GPHN: variants seen among roughly 807,000 people sequenced by gnomAD.
GPHN encodes gephyrin.
In GPHN, 17 loss-of-function variants were observed where a neutral mutation model predicts 95.5. That is an observed-to-expected ratio of 0.18 (90% confidence interval 0.12 to 0.27). GPHN has a LOEUF of 0.27. GPHN is among the 10% of genes least tolerant of loss of function. The probability of loss-of-function intolerance (pLI) is 1.00; values close to 1 mark genes in which losing one functional copy is unlikely to be tolerated. For missense variants in GPHN, 660 were observed against 978.1 expected (o/e 0.67, Z 4.34); for synonymous variants, 320 against 322.5 (o/e 0.99, Z 0.08).
rs371948902 is a variant in GPHN, at chr14:66,924,184, T to A, written c.730-10T>A. ...CACTATATTCATAGTTGTTATGTGT[T>A]GTGCATTAGAAGCATCCATTCTACA... is the stretch of plus-strand genomic sequence containing the variant. On this transcript the variant is annotated splice_polypyrimidine_tract_variant and intron_variant, in intron 7 of 22. Coordinates refer to ENST00000478722, the MANE Select transcript of GPHN (RefSeq NM_020806.5). The A allele has an allele frequency of 2.0e-6, 3 of 1,466,450 alleles. No homozygotes were observed. The African/African-American group carries it at 4.2e-5, about 20-fold the overall frequency. 90.8% of individuals were successfully genotyped at this position (1,466,450 alleles called of 1,614,324 possible).
the GPHN span, among the ~76,000 whole-genome samples, chr14:67,424,156 C>T: frequency 6.6e-6 from 1 of 152,168 alleles, no homozygotes; most frequent in Non-Finnish European, 1.5e-5. Context: ...AGGAGAATCA[C>T]TTGAACCCGG....
In GPHN at chr14:66,583,308, G is replaced by A. The variant is rs142673713; in HGVS notation, c.64+74717G>A. Among the ~76,000 whole-genome samples, 106 of 152,234 alleles carry A rather than the reference G, an allele frequency of 7.0e-4. 2 individuals are homozygous for A. In the East Asian group the frequency reaches 0.02, roughly 29 times the overall value. ...TAACCCTTTGTCAGATAAGCAGGTTGCAAAAATTTTCTCCCAATCTGTAGG... is the reference window on the plus strand; with the variant it reads ...TAACCCTTTGTCAGATAAGCAGGTTACAAAAATTTTCTCCCAATCTGTAGG... On this transcript the variant is annotated intron_variant, in intron 1 of 22. Transcript: ENST00000478722.
the GPHN span, among the ~76,000 whole-genome samples, chr14:67,426,573 G>T: frequency 6.6e-6 from 1 of 152,000 alleles, no homozygotes; most frequent in Non-Finnish European, 1.5e-5. Context: ...CTATTTTTTT[G>T]GTTTTGTTTT....
chr14:66,998,019 G>A (rs1048478633), intron 9 of GPHN, among the ~76,000 whole-genome samples: 4 of 152,122 alleles, frequency 2.6e-5, no homozygotes, highest in African/African-American at 9.7e-5. Flanking sequence ...ATGAGAGTGT[G>A]TAAGAAGTCT....
the GPHN span, chr14:67,717,878 A>G: frequency 2.6e-5 from 4 of 152,254 alleles, no homozygotes; most frequent in Non-Finnish European, 5.9e-5. Context: ...AGCATGGGCA[A>G]CACAGTGAGA....
chr14:67,206,253 C>T, the GPHN span, among the ~76,000 whole-genome samples: 2 of 152,108 alleles, frequency 1.3e-5, no homozygotes, highest in Non-Finnish European at 2.9e-5. Context: ...AATCCCAGCA[C>T]TTTGGGAGAC....
intron 10 of GPHN, among the ~76,000 whole-genome samples, chr14:67,052,398 C>A (rs1259431131): frequency 6.6e-6 from 1 of 151,240 alleles, no homozygotes; most frequent in East Asian, 1.9e-4. Flanking sequence ...GGGCTCAATT[C>A]AACAAGAAGT....
intron 9 of GPHN, among the ~76,000 whole-genome samples, chr14:67,023,308 C>A (rs1302128824): frequency 6.6e-6 from 1 of 151,794 alleles, no homozygotes; most frequent in East Asian, 1.9e-4. Flanking sequence ...CTATTAAGGG[C>A]CAATATTTAC....
At chr14:67,676,502 G>A in the GPHN span, among the ~76,000 whole-genome samples, 2 of 152,124 alleles carry the variant, frequency 1.3e-5, no homozygotes, top group South Asian at 2.1e-4. Flanking sequence ...AGGCCAAGGT[G>A]GGAGGATCGC....
intron 2 of GPHN, among the ~76,000 whole-genome samples, chr14:66,724,889 A>G (rs547546637): frequency 3.9e-5 from 6 of 152,346 alleles, no homozygotes; most frequent in African/African-American, 9.6e-5. Flanking sequence ...TGGGCCCAGA[A>G]CTAAAATAAT....
At chr14:67,197,543 C>T in the GPHN span, among the ~76,000 whole-genome samples, 1 of 149,370 alleles carries the variant, frequency 6.7e-6, no homozygotes, top group South Asian at 2.1e-4. Context: ...TCAGTGGTCC[C>T]CTTGGCAGCA....
At chr14:67,645,156 CTG>C in the GPHN span, among the ~76,000 whole-genome samples, 5 of 151,916 alleles carry the variant, frequency 3.3e-5, no homozygotes, top group South Asian at 8.3e-4. Context: ...TACCTATAGA[CTG>C]TACCATTTAC....
the GPHN span, chr14:67,385,314 A>G: frequency 2.6e-5 from 4 of 152,168 alleles, no homozygotes; most frequent in African/African-American, 9.7e-5. Flanking sequence ...AATTTCTGCC[A>G]GGCATGGTAG....
chr14:67,732,182 G>C, the GPHN span, among the ~76,000 whole-genome samples: 2 of 148,246 alleles, frequency 1.3e-5, no homozygotes, highest in Non-Finnish European at 3.0e-5. Flanking sequence ...CATGCCTGTA[G>C]TCCCAGTACT....
At chr14:67,168,303 G>A (rs956949350) in intron 20 of GPHN, among the ~76,000 whole-genome samples, 1 of 152,036 alleles carries the variant, frequency 6.6e-6, no homozygotes, top group Non-Finnish European at 1.5e-5. Flanking sequence ...ACATCTTTAT[G>A]ACCTTATTTA....
At chr14:67,506,777 A>C in the GPHN span, among the ~76,000 whole-genome samples, 2 of 152,182 alleles carry the variant, frequency 1.3e-5, no homozygotes, top group East Asian at 3.9e-4. Context: ...TGAAGTAAAG[A>C]GATCGAGACC....
intron 2 of GPHN, among the ~76,000 whole-genome samples, chr14:66,686,797 A>T (rs2067392398): frequency 6.6e-6 from 1 of 152,062 alleles, no homozygotes; most frequent in Non-Finnish European, 1.5e-5. Context: ...GTTGAATAGG[A>T]GTGGTGAGAG....
intron 5 of GPHN, among the ~76,000 whole-genome samples, chr14:66,902,436 T>A (rs1372084299): frequency 6.6e-6 from 1 of 152,112 alleles, no homozygotes; most frequent in Non-Finnish European, 1.5e-5. Context: ...GATCCTTGTT[T>A]TGTTCCAGAT....
chr14:67,561,027 G>A, the GPHN span, among the ~76,000 whole-genome samples: 2 of 152,080 alleles, frequency 1.3e-5, no homozygotes, highest in South Asian at 2.1e-4. Context: ...CACCACACCC[G>A]GCTGACAAAC....
Sources: allele counts gnomAD v4.1 joint callset (sites outside exome capture counted in the v4.1 genomes callset), GRCh38; gene constraint gnomAD v4.1.1; transcripts MANE v1.5; gene names NCBI Gene and HGNC (gene_info 2026-07-23, HGNC 2026-07-21).